Variants in TMEM143 observed in about 807,000 individuals in gnomAD.
TMEM143 encodes transmembrane protein 143.
A neutral mutation model predicts 40.3 loss-of-function variants in TMEM143; 45 were observed. The ratio of observed to expected loss-of-function variants is 1.12; its 90% CI spans 0.88 to 1.43. TMEM143 has a LOEUF of 1.43. Among genes scored for constraint, TMEM143 ranks in the 40% most tolerant of loss-of-function variants. The pLI is 0.00. For missense variants in TMEM143, 620 were observed against 613.4 expected (o/e 1.01, Z -0.11); for synonymous variants, 299 against 282.7 (o/e 1.06, Z -0.58).
At chr19:48,343,158 T>C in intron 5 of TMEM143, 163 bp downstream of exon 5, 1 of 925,476 alleles carries the variant, frequency 1.1e-6, no homozygotes, top group East Asian at 2.7e-5. Flanking sequence ...TAGTACTCAC[T>C]TTCCCTTGAG....
intron 6 of TMEM143, among the ~76,000 whole-genome samples, chr19:48,338,211 C>G (rs1342769014): frequency 6.6e-6 from 1 of 152,188 alleles, no homozygotes. Flanking sequence ...CTCTGCCCGT[C>G]TCCTCCTCTG....
At chr19:48,343,742 G>A (rs544949678) in intron 4 of TMEM143, among the ~76,000 whole-genome samples, 3 of 152,180 alleles carry the variant, frequency 2.0e-5, no homozygotes, top group Non-Finnish European at 2.9e-5. Context: ...AACAAAATAC[G>A]TTGCCAATTA....
intron 3 of TMEM143, among the ~76,000 whole-genome samples, chr19:48,355,543 G>A (rs1003511955): frequency 6.6e-6 from 1 of 152,172 alleles, no homozygotes; most frequent in African/African-American, 2.4e-5. Flanking sequence ...CCGCACTGCA[G>A]GAAGGAGTCA....
chr19:48,359,765 C>G (rs1401349402), intron 3 of TMEM143: 2 of 208,792 alleles, frequency 9.6e-6, no homozygotes, highest in African/African-American at 4.7e-5. Context: ...CCTCAGCCTC[C>G]CAAAGTGCTG....
At position 48,334,527 on chromosome 19, in the gene TMEM143, C is replaced by CTTTCT. The variant is rs533761954; in HGVS notation, c.976-335_976-331dup. ...TTCTTTCTTTTCTTTCTTTCTCTTT[C>CTTTCT]TTTCTTTTCTTTTCTTTCTTTCTTT... is the stretch of plus-strand genomic sequence containing the variant. On this transcript the variant is annotated intron_variant, in intron 6 of 7. Coordinates refer to ENST00000293261, the MANE Select transcript of TMEM143 (RefSeq NM_018273.4). 6.8e-5 allele frequency among the ~76,000 whole-genome samples: 9 copies of CTTTCT among 131,728 alleles called. No individual in the cohort carries two copies. The East Asian group carries it at 1.7e-3, about 25-fold the overall frequency. The allele number at this position is 131,728 out of a possible 152,430, so 86.4% of individuals were successfully genotyped here. A position where few individuals can be genotyped will look rare whatever the true frequency, so the allele number is the denominator to read the frequency against.
intron 3 of TMEM143, among the ~76,000 whole-genome samples, chr19:48,353,790 A>C (rs917188616): frequency 6.6e-6 from 1 of 151,600 alleles, no homozygotes; most frequent in African/African-American, 2.4e-5. Context: ...AGAAAAGGAC[A>C]CACATAGGAC....
intron 3 of TMEM143, among the ~76,000 whole-genome samples, chr19:48,357,903 T>G: frequency 7.0e-6 from 1 of 141,934 alleles, no homozygotes. Flanking sequence ...ATACACAGAG[T>G]GATATAATGG....
At chr19:48,349,542 G>A (rs913330295) in intron 3 of TMEM143, among the ~76,000 whole-genome samples, 1 of 152,104 alleles carries the variant, frequency 6.6e-6, no homozygotes, top group Non-Finnish European at 1.5e-5. Context: ...CTACTCCGGA[G>A]GCTGAGGCAT....
Position 48,335,462 on chromosome 19 carries a change from C to T in TMEM143, c.976-1265G>A, listed in dbSNP as rs546270268. On this transcript the variant is annotated intron_variant, in intron 6 of 7. Transcript: ENST00000293261. ...ATAGCAGGCTGGGCTCAGTGGCTCACGCCTGTAATCCCAGCACTTTGGGAG... is the reference window on the plus strand; with the variant it reads ...ATAGCAGGCTGGGCTCAGTGGCTCATGCCTGTAATCCCAGCACTTTGGGAG... 2.6e-5 allele frequency among the ~76,000 whole-genome samples: 4 copies of T among 152,186 alleles called. No individual in the cohort carries two copies. In the East Asian group the frequency reaches 5.8e-4, roughly 22 times the overall value.
At chr19:48,360,962 A>G (rs1331718481) in intron 2 of TMEM143, among the ~76,000 whole-genome samples, 2 of 151,170 alleles carry the variant, frequency 1.3e-5, no homozygotes, top group Non-Finnish European at 3.0e-5. Context: ...AATTTTTTTC[A>G]ATTTTTTGTA....
intron 3 of TMEM143, 23 bp from the exon 4 acceptor site, chr19:48,345,377 A>G (rs1294573513): frequency 2.0e-6 from 3 of 1,509,826 alleles, no homozygotes; most frequent in Admixed American, 4.6e-5. Context: ...TCAGAGAGAA[A>G]AAGATGGGAT....
At chr19:48,355,066 G>C (rs1969855683) in intron 3 of TMEM143, among the ~76,000 whole-genome samples, 1 of 151,602 alleles carries the variant, frequency 6.6e-6, no homozygotes, top group Non-Finnish European at 1.5e-5. Context: ...ACCCAGGCTG[G>C]AGTGCAGTGG....
intron 3 of TMEM143, among the ~76,000 whole-genome samples, chr19:48,350,508 T>C (rs977575141): frequency 1.3e-5 from 2 of 152,074 alleles, no homozygotes; most frequent in Non-Finnish European, 2.9e-5. Flanking sequence ...AGCATCTGAT[T>C]CATGACCGTC....
At chr19:48,351,825 T>A (rs2690847) in intron 3 of TMEM143, among the ~76,000 whole-genome samples, 107,692 of 151,874 alleles carry the variant, frequency 0.71, 38,749 homozygotes, top group East Asian at 0.83. Flanking sequence ...CCTCCCTTGC[T>A]TTCCTTTTCT....
chr19:48,354,561 G>A (rs900978792), intron 3 of TMEM143, among the ~76,000 whole-genome samples: 1 of 152,072 alleles, frequency 6.6e-6, no homozygotes, highest in Non-Finnish European at 1.5e-5. Flanking sequence ...CACTGTGCCC[G>A]GCCAAATTTC....
At position 48,333,259 on chromosome 19, in the gene TMEM143, G is replaced by A; in HGVS notation, c.1340C>T (p.Ser447Phe). The A allele has an allele frequency of 6.6e-7, 1 of 1,521,882 alleles. No homozygotes were observed. Among genetic ancestry groups the A allele is most frequent in the Non-Finnish European group, 8.9e-7 (1 of 1,122,260 alleles). 94.3% of individuals were successfully genotyped at this position (1,521,882 alleles called of 1,614,324 possible). Residue 447 changes from serine to phenylalanine, a missense_variant, in exon 8 of 8, where the codon TCC becomes TTC. By Grantham distance (155) the Ser-to-Phe change is radical. Transcript: ENST00000293261. This position sits in a 1 kb window ranked among gnomAD's most constrained non-coding sequence, Gnocchi z 4.1. ...PKLDPVAPITSEPPQATPSSN... is the reference protein window; with the variant it reads ...PKLDPVAPITFEPPQATPSSN... ...GCTGGGCGTGGCTTGCGGGGGCTCG[G>A]AAGTGATCGGAGCCACTGGGTCTAG...
intron 3 of TMEM143, among the ~76,000 whole-genome samples, chr19:48,352,256 A>AAAAAAAAAAAAAAC (rs1555887047): frequency 6.8e-6 from 1 of 147,102 alleles, no homozygotes; most frequent in Non-Finnish European, 1.5e-5. Flanking sequence ...CAAAAAAAAA[A>AAAAAAAAAAAAAAC]AAAAAACACC....
rs757828183 is a variant in TMEM143 at position 48,342,598 on chromosome 19, CG to C, written c.906del (p.Asp303ThrfsTer101). 368 of 1,613,572 alleles carry C rather than the reference CG, an allele frequency of 2.3e-4. 2 individuals carry two copies. Among genetic ancestry groups the C allele is most frequent in the East Asian group, 9.4e-4 (42 of 44,882 alleles). ...IFVNVGMVVL[T>X]DLKVATSLLL... Reference sequence around the variant, plus strand: ...AGCAGGGAGGTGGCCACCTTGAGGTCGGTTAGCACCACCATGCCCACGTTGA... The same window carrying C: ...AGCAGGGAGGTGGCCACCTTGAGGTCGTTAGCACCACCATGCCCACGTTGA... On this transcript the variant is annotated frameshift_variant, in exon 6 of 8. Coordinates refer to ENST00000293261, the MANE Select transcript of TMEM143 (RefSeq NM_018273.4). LOFTEE classifies it high-confidence loss of function.
intron 3 of TMEM143, among the ~76,000 whole-genome samples, chr19:48,353,076 A>G (rs1429801601): frequency 6.6e-6 from 1 of 152,158 alleles, no homozygotes; most frequent in African/African-American, 2.4e-5. Flanking sequence ...TTTTTCCCAA[A>G]TATTTTTTAT....
Sources: gnomAD v4.1 joint callset for allele counts (sites outside exome capture counted in the v4.1 genomes callset) on GRCh38, gnomAD v4.1.1 for gene constraint, Gnocchi (gnomAD v3.1) non-coding constraint, MANE v1.5 for transcripts, NCBI Gene and HGNC (gene_info 2026-07-23, HGNC 2026-07-21) for gene names.